PDE4D: variants seen among roughly 807,000 people sequenced by gnomAD.
The protein encoded by PDE4D is 3',5'-cyclic-AMP phosphodiesterase 4D.
In PDE4D, 24 loss-of-function variants were observed where a neutral mutation model predicts 87.4. That is an observed-to-expected ratio of 0.27 (90% CI 0.20 to 0.39). The LOEUF is 0.39. Ranked by LOEUF, PDE4D falls within the 10% of genes least tolerant of loss-of-function variation. The probability of loss-of-function intolerance (pLI) is 1.00; values close to 1 mark genes in which losing one functional copy is unlikely to be tolerated. For missense variants in PDE4D, 714 were observed against 1,041.0 expected, an observed-to-expected ratio of 0.69 and a Z score of 4.32; for synonymous variants, 384 against 383.2, an observed-to-expected ratio of 1.00 and a Z score of -0.02.
intron 5 of PDE4D, among the ~76,000 whole-genome samples, chr5:59,111,944 C>A (rs10052657): frequency 0.18 from 26,686 of 152,060 alleles, 2,464 homozygotes; most frequent in Non-Finnish European, 0.2. Context: ...ATGGTAGTTT[C>A]CAGTCTAGTA....
intron 1 of PDE4D, among the ~76,000 whole-genome samples, chr5:59,359,894 G>A (rs912095732): frequency 3.3e-5 from 5 of 152,118 alleles, no homozygotes; most frequent in Admixed American, 2.0e-4. Flanking sequence ...AACCAGATTC[G>A]GAAATCTAAA....
chr5:60,071,126 C>A (rs1365298551), intron 2 of PDE4D, among the ~76,000 whole-genome samples: 12 of 151,932 alleles, frequency 7.9e-5, no homozygotes, highest in Non-Finnish European at 5.9e-5. Context: ...TTATAAAAAA[C>A]CAGTAAAACC....
chr5:59,290,108 A>G (rs1233174281), intron 1 of PDE4D, among the ~76,000 whole-genome samples: 3 of 152,058 alleles, frequency 2.0e-5, no homozygotes, highest in Non-Finnish European at 4.4e-5. Context: ...AGCAATCTAC[A>G]GATTCAATGT....
chr5:59,793,638 A>C lies in PDE4D; in HGVS notation c.455+99530T>G, dbSNP rs146454894. Among the ~76,000 whole-genome samples, 280 of 152,360 alleles carry C rather than the reference A, an allele frequency of 1.8e-3. 2 individuals carry two copies. The highest frequency in any genetic ancestry group is 0.014 in the Middle Eastern group (4 of 294). On this transcript the variant is annotated intron_variant, in intron 1 of 14. Coordinates refer to ENST00000340635, the MANE Select transcript of PDE4D (RefSeq NM_001104631.2). ...ATAATGGTTCAACCAAAAAGAAAAGAATGGTTTTAGAAATGTTTTCCAGGC... is the reference window on the plus strand; with the variant it reads ...ATAATGGTTCAACCAAAAAGAAAAGCATGGTTTTAGAAATGTTTTCCAGGC...
Position 60,208,263 on chromosome 5 carries a change from C to T in PDE4D, c.-89-22576G>A, listed in dbSNP as rs375501962. On this transcript the variant is annotated intron_variant, in intron 1 of 16. Coordinates refer to the PDE4D transcript ENST00000502484. The stretch of plus-strand genomic sequence containing the variant: ...AGGGATTGCAATTTTAGATAGCATG[C>T]CCAGAAAGAGATTCTTTGAAAAGAC... 4.6e-5 allele frequency among the ~76,000 whole-genome samples: 7 copies of T among 152,132 alleles called. No homozygotes were observed. The East Asian group carries it at 1.2e-3, about 25-fold the overall frequency.
chr5:59,392,547 A>C (rs1337782008), intron 1 of PDE4D, among the ~76,000 whole-genome samples: 1 of 144,726 alleles, frequency 6.9e-6, no homozygotes, highest in Non-Finnish European at 1.5e-5. Context: ...GTTCTTCCAG[A>C]GAACCCTAAT....
intron 2 of PDE4D, among the ~76,000 whole-genome samples, chr5:60,006,718 G>C (rs542523294): frequency 6.6e-6 from 1 of 152,080 alleles, no homozygotes; most frequent in South Asian, 2.1e-4. Context: ...CTGTAAACAT[G>C]ATGATGCATA....
intron 1 of PDE4D, among the ~76,000 whole-genome samples, chr5:60,387,640 TTTGCCC>T (rs1322234199): frequency 1.3e-5 from 2 of 152,202 alleles, no homozygotes; most frequent in Non-Finnish European, 2.9e-5. Flanking sequence ...TGGACAAAAC[TTTGCCC>T]TTAAAGGTCT....
Position 59,340,034 on chromosome 5 carries a change from C to T in PDE4D, c.456-124066G>A, listed in dbSNP as rs1582049032. ...TCAGTCTTCTCACCCTCTCTGGAATCTCATTTTCATCAACAGCCCCTATTT... is the reference window on the plus strand; with the variant it reads ...TCAGTCTTCTCACCCTCTCTGGAATTTCATTTTCATCAACAGCCCCTATTT... On this transcript the variant is annotated intron_variant, in intron 1 of 14. Coordinates refer to ENST00000340635, the MANE Select transcript of PDE4D (RefSeq NM_001104631.2). Among the ~76,000 whole-genome samples the T allele has an allele frequency of 4.6e-5, 7 of 151,336 alleles. 1 individual carries two copies. The South Asian group carries it at 1.5e-3, about 32-fold the overall frequency.
At chr5:60,235,503 T>C (rs539183377) in intron 1 of PDE4D, among the ~76,000 whole-genome samples, 9 of 152,016 alleles carry the variant, frequency 5.9e-5, no homozygotes, top group Non-Finnish European at 1.3e-4. Context: ...GTCTCATCTT[T>C]AGGCTGTAAA....
chr5:59,727,439 T>C (rs1024306465), intron 1 of PDE4D, among the ~76,000 whole-genome samples: 1 of 152,160 alleles, frequency 6.6e-6, no homozygotes, highest in Non-Finnish European at 1.5e-5. Flanking sequence ...TTCCAGCTGA[T>C]GTTTGATTAC....
At chr5:60,012,648 A>AT (rs1765125047) in intron 2 of PDE4D, among the ~76,000 whole-genome samples, 1 of 152,170 alleles carries the variant, frequency 6.6e-6, no homozygotes, top group Non-Finnish European at 1.5e-5. Context: ...AGATAGCATC[A>AT]TTTTTTTGAA....
At chr5:59,890,054 C>G (rs910417856) in intron 1 of PDE4D, among the ~76,000 whole-genome samples, 2 of 152,138 alleles carry the variant, frequency 1.3e-5, no homozygotes, top group African/African-American at 4.8e-5. Context: ...CAAACTGTTA[C>G]AAATTCTCAA....
At chr5:60,391,450 G>C (rs1378382099) in intron 1 of PDE4D, among the ~76,000 whole-genome samples, 1 of 152,118 alleles carries the variant, frequency 6.6e-6, no homozygotes, top group African/African-American at 2.4e-5. Flanking sequence ...AAAACCAAGA[G>C]GTTCATAGGG....
At chr5:60,520,052 T>G (rs1269515275) in intron 1 of PDE4D, among the ~76,000 whole-genome samples, 1 of 152,074 alleles carries the variant, frequency 6.6e-6, no homozygotes, top group Non-Finnish European at 1.5e-5. Flanking sequence ...TTCTTCTAAA[T>G]GATAGGATCC....
intron 6 of PDE4D, among the ~76,000 whole-genome samples, chr5:59,008,518 T>C (rs1186244891): frequency 6.6e-6 from 1 of 152,000 alleles, no homozygotes; most frequent in Non-Finnish European, 1.5e-5. Context: ...AAAGAATGCT[T>C]GAACAATTGA....
At chr5:59,687,048 A>G (rs1352038199) in intron 1 of PDE4D, among the ~76,000 whole-genome samples, 1 of 152,188 alleles carries the variant, frequency 6.6e-6, no homozygotes, top group Non-Finnish European at 1.5e-5. Context: ...GAGAAATAGA[A>G]ACATGAGACT....
At chr5:59,108,553 T>C (rs746214555) in intron 5 of PDE4D, among the ~76,000 whole-genome samples, 2 of 152,104 alleles carry the variant, frequency 1.3e-5, no homozygotes, top group Non-Finnish European at 2.9e-5. Flanking sequence ...GGGTGATATC[T>C]TCGGTTTTAG....
chr5:60,083,439 C>T (rs548932340), intron 2 of PDE4D, among the ~76,000 whole-genome samples: 1 of 152,294 alleles, frequency 6.6e-6, no homozygotes, highest in Non-Finnish European at 1.5e-5. Flanking sequence ...AGAAGCCACT[C>T]ACGATTTTAA....
Sources: gnomAD v4.1 joint callset for allele counts (sites outside exome capture counted in the v4.1 genomes callset) on GRCh38, gnomAD v4.1.1 for gene constraint, MANE v1.5 for transcripts, NCBI Gene and HGNC (gene_info 2026-07-23, HGNC 2026-07-21) for gene names.